Variants in SGCD observed in about 807,000 individuals in gnomAD.
SGCD encodes the protein sarcoglycan delta.
SGCD carries 18 observed loss-of-function variants against 36.6 expected under a neutral mutation model. The ratio of observed to expected loss-of-function variants is 0.49; its 90% CI spans 0.34 to 0.73. The LOEUF is 0.73. Ranked by LOEUF, SGCD falls within the 30% of genes least tolerant of loss-of-function variation. SGCD has a pLI of 0.01. For missense variants in SGCD, 387 were observed against 346.7 expected, an observed-to-expected ratio of 1.12 and a Z score of -0.92; for synonymous variants, 133 against 130.6, an observed-to-expected ratio of 1.02 and a Z score of -0.12.
At chr5:156,073,545 A>C (rs1760659288) in intron 1 of SGCD, among the ~76,000 whole-genome samples, 1 of 152,200 alleles carries the variant, frequency 6.6e-6, no homozygotes, top group Non-Finnish European at 1.5e-5. Context: ...CCTGGGTGAC[A>C]CAGTGAGACC....
intron 4 of SGCD, among the ~76,000 whole-genome samples, chr5:156,578,854 T>G (rs2113324575): frequency 6.6e-6 from 1 of 152,338 alleles, no homozygotes; most frequent in Admixed American, 6.5e-5. Context: ...GTTGATCTTT[T>G]CAAAAAACCA....
the SGCD span, among the ~76,000 whole-genome samples, chr5:155,823,133 C>T: frequency 1.4e-5 from 2 of 147,602 alleles, no homozygotes; most frequent in African/African-American, 5.0e-5. Context: ...TATCTAGCTA[C>T]CTAGCTAGCT....
At chr5:156,370,632 A>G (rs1220875266) in intron 3 of SGCD, among the ~76,000 whole-genome samples, 1 of 152,218 alleles carries the variant, frequency 6.6e-6, no homozygotes, top group Non-Finnish European at 1.5e-5. Context: ...AAACGTTGAC[A>G]TAAGAACCCT....
At chr5:155,846,183 G>A in the SGCD span, among the ~76,000 whole-genome samples, 2 of 152,134 alleles carry the variant, frequency 1.3e-5, no homozygotes, top group Non-Finnish European at 2.9e-5. Context: ...GGAAACCTTA[G>A]CGTATTCGTC....
chr5:156,073,003 T>C (rs1382687877), intron 1 of SGCD, among the ~76,000 whole-genome samples: 1 of 152,204 alleles, frequency 6.6e-6, no homozygotes, highest in African/African-American at 2.4e-5. Flanking sequence ...AGCACTTCTC[T>C]CTATTGGTTA....
chr5:156,549,691 T>C (rs747285639), intron 4 of SGCD, among the ~76,000 whole-genome samples: 1 of 152,252 alleles, frequency 6.6e-6, no homozygotes, highest in Non-Finnish European at 1.5e-5. Context: ...AGCATTCAAC[T>C]GCTGAATGTG....
intron 1 of SGCD, among the ~76,000 whole-genome samples, chr5:156,072,850 A>C (rs1413909746): frequency 1.3e-5 from 2 of 151,894 alleles, no homozygotes. Flanking sequence ...TTTTTTCTCT[A>C]AACTTCCCTT....
At chr5:156,650,562 C>T (rs1020406267) in intron 7 of SGCD, among the ~76,000 whole-genome samples, 1 of 152,124 alleles carries the variant, frequency 6.6e-6, no homozygotes, top group Admixed American at 6.6e-5. Flanking sequence ...CAGTGCTCAG[C>T]TCCCACTTAT....
At chr5:156,477,685 CAAA>C (rs11411986) in intron 3 of SGCD, among the ~76,000 whole-genome samples, 2,812 of 102,126 alleles carry the variant, frequency 0.028, 25 homozygotes, top group Non-Finnish European at 0.041. Flanking sequence ...AGTATTTGAG[CAAA>C]AAAAAAAAAA....
At chr5:156,579,588 G>C (rs1760153013) in intron 4 of SGCD, among the ~76,000 whole-genome samples, 1 of 152,160 alleles carries the variant, frequency 6.6e-6, no homozygotes, top group South Asian at 2.1e-4. Flanking sequence ...TTATGAATCT[G>C]GGTGCTCCTG....
At chr5:156,709,463 A>C (rs1754888298) in intron 7 of SGCD, among the ~76,000 whole-genome samples, 1 of 152,240 alleles carries the variant, frequency 6.6e-6, no homozygotes, top group Non-Finnish European at 1.5e-5. Flanking sequence ...CTTGAGGCCT[A>C]GCCAGCTCCA....
At chr5:156,071,064 G>T (rs897643920) in intron 1 of SGCD, among the ~76,000 whole-genome samples, 2 of 151,818 alleles carry the variant, frequency 1.3e-5, no homozygotes, top group African/African-American at 4.8e-5. Context: ...CAATTTTGTT[G>T]ATCCTTCCAA....
chr5:156,577,614 CT>C lies in SGCD; in HGVS notation c.295-11615del, dbSNP rs1760028022. Among the ~76,000 whole-genome samples the C allele has an allele frequency of 2.0e-5, 3 of 152,258 alleles. 1 individual carries two copies. In the East Asian group the frequency reaches 5.8e-4, roughly 29 times the overall value. ...CGTTGAGCAGTGGTTTGTAGTTCTC[CT>C]TGAAGAGGTCCTTCACATCCCTTGT... On this transcript the variant is annotated intron_variant, in intron 4 of 8. Coordinates refer to ENST00000337851, the MANE Select transcript of SGCD (RefSeq NM_000337.6).
chr5:156,502,642 C>T (rs1298209225), intron 3 of SGCD, among the ~76,000 whole-genome samples: 2 of 152,178 alleles, frequency 1.3e-5, no homozygotes, highest in African/African-American at 4.8e-5. Context: ...GTCCAATTCT[C>T]AATCTTCTAA....
intron 3 of SGCD, among the ~76,000 whole-genome samples, chr5:156,506,240 A>G (rs2127871582): frequency 1.3e-5 from 2 of 152,306 alleles, no homozygotes; most frequent in East Asian, 3.9e-4. Flanking sequence ...GATTTTTGGT[A>G]TGAAAGAAAG....
intron 3 of SGCD, among the ~76,000 whole-genome samples, chr5:156,269,294 C>A (rs1465742712): frequency 6.6e-6 from 1 of 151,346 alleles, no homozygotes; most frequent in African/African-American, 2.4e-5. Context: ...ATGGTGAAAC[C>A]CTGTCTCTAC....
chr5:156,258,446 A>T (rs1355427242), intron 3 of SGCD, among the ~76,000 whole-genome samples: 1 of 152,234 alleles, frequency 6.6e-6, no homozygotes, highest in African/African-American at 2.4e-5. Context: ...ATAAAAGTTC[A>T]TTGATATGAT....
At chr5:155,735,999 C>G in the SGCD span, among the ~76,000 whole-genome samples, 1 of 151,968 alleles carries the variant, frequency 6.6e-6, no homozygotes, top group Non-Finnish European at 1.5e-5. Flanking sequence ...TCTTCTTAAC[C>G]CTTTTTTAGA....
the SGCD span, among the ~76,000 whole-genome samples, chr5:155,766,119 A>G: frequency 1.2e-4 from 18 of 152,118 alleles, no homozygotes; most frequent in Non-Finnish European, 1.5e-5. Flanking sequence ...GGGAACTGCA[A>G]TGGAGGCACC....
Sources: allele counts gnomAD v4.1 joint callset (sites outside exome capture counted in the v4.1 genomes callset), GRCh38; gene constraint gnomAD v4.1.1; transcripts MANE v1.5; gene names NCBI Gene and HGNC (gene_info 2026-07-23, HGNC 2026-07-21).